The following CAMTA1 variants were observed in gnomAD, a reference collection of about 807,000 sequenced individuals.
CAMTA1 encodes calmodulin-binding transcription activator 1.
A neutral mutation model predicts 170.9 loss-of-function variants in CAMTA1; 27 were observed. The ratio of observed to expected loss-of-function variants is 0.16; its 90% CI spans 0.12 to 0.22. The LOEUF (loss-of-function observed/expected upper bound fraction) is 0.22. Ranked by LOEUF, CAMTA1 falls within the 10% of genes least tolerant of loss-of-function variation. CAMTA1 has a pLI of 1.00. For synonymous variants in CAMTA1, 833 were observed against 891.5 expected (o/e 0.93, Z 1.17); for missense variants, 1,619 against 2,217.2 (o/e 0.73, Z 5.42).
At chr1:7,743,954 G>A (rs1251750204) in intron 16 of CAMTA1, among the ~76,000 whole-genome samples, 25 of 149,378 alleles carry the variant, frequency 1.7e-4, no homozygotes, top group African/African-American at 6.2e-4. Context: ...AGCCTCCCGA[G>A]TAGCTGGCAC....
At position 7,065,622 on chromosome 1, in the gene CAMTA1, C is replaced by A. The variant is rs1197961442; in HGVS notation, c.235-25682C>A. Among the ~76,000 whole-genome samples, 2 of 146,076 alleles carry A rather than the reference C, an allele frequency of 1.4e-5. No homozygotes were observed. The highest frequency in any genetic ancestry group is 5.2e-5 in the African/African-American group (2 of 38,234). ...CAGGTGGGGGTGCTTATTTCATGGC[C>A]ATAGGAGGGAAGAGAGAGGAGACAG... On this transcript the variant is annotated intron_variant, in intron 3 of 22. Transcript: ENST00000303635. The surrounding 1 kb of genome is among the most constrained non-coding windows in gnomAD (Gnocchi z 5.2).
At chr1:7,109,303 C>G (rs1486418375) in intron 4 of CAMTA1, among the ~76,000 whole-genome samples, 1 of 152,196 alleles carries the variant, frequency 6.6e-6, no homozygotes, top group Non-Finnish European at 1.5e-5. Flanking sequence ...TGCTGCCGCA[C>G]TATGCATTAC....
intron 4 of CAMTA1, among the ~76,000 whole-genome samples, chr1:7,218,579 C>T (rs939469982): frequency 3.3e-5 from 5 of 152,152 alleles, no homozygotes; most frequent in African/African-American, 1.2e-4. Flanking sequence ...TGCACATTTG[C>T]CAATGCTGCC....
intron 3 of CAMTA1, among the ~76,000 whole-genome samples, chr1:6,842,748 C>T (rs1039275690): frequency 2.0e-5 from 3 of 152,024 alleles, no homozygotes; most frequent in Admixed American, 6.6e-5. Context: ...ATGGTGAAAC[C>T]ACGTCTCTAT....
chr1:6,998,296 G>A (rs955456233), intron 3 of CAMTA1, among the ~76,000 whole-genome samples: 1 of 151,866 alleles, frequency 6.6e-6, no homozygotes, highest in Non-Finnish European at 1.5e-5. Context: ...TGGCCAGGCT[G>A]GTCTGACCTC....
At chr1:7,314,685 G>A (rs911840228) in intron 5 of CAMTA1, among the ~76,000 whole-genome samples, 9 of 152,282 alleles carry the variant, frequency 5.9e-5, no homozygotes, top group Non-Finnish European at 1.0e-4. Flanking sequence ...AAATGGAATC[G>A]TGACTTAGGT....
chr1:7,499,763 T>C (rs1008833183), intron 6 of CAMTA1, among the ~76,000 whole-genome samples: 2 of 129,418 alleles, frequency 1.5e-5, no homozygotes, highest in African/African-American at 6.2e-5. Flanking sequence ...TGTGTGAGCC[T>C]GTTGTGAGTG....
intron 8 of CAMTA1, 36 bp from the exon 9 acceptor site, chr1:7,663,317 C>T (rs759345996): frequency 4.0e-6 from 6 of 1,514,530 alleles, no homozygotes; most frequent in East Asian, 4.6e-5. Context: ...TGTGTGCCTG[C>T]GTGTGCGTGC....
chr1:7,032,181 C>A (rs918599466), intron 3 of CAMTA1, among the ~76,000 whole-genome samples: 1 of 151,996 alleles, frequency 6.6e-6, no homozygotes, highest in Admixed American at 6.5e-5. Flanking sequence ...ACCAGGCTGG[C>A]CTTGAACTCC....
intron 3 of CAMTA1, among the ~76,000 whole-genome samples, chr1:6,860,220 C>T (rs1479631136): frequency 6.6e-6 from 1 of 152,122 alleles, no homozygotes; most frequent in Non-Finnish European, 1.5e-5. Flanking sequence ...TCTTTTTGGC[C>T]TTGATGGCAT....
At chr1:7,241,521 G>T (rs1297805180) in intron 4 of CAMTA1, among the ~76,000 whole-genome samples, 1 of 152,214 alleles carries the variant, frequency 6.6e-6, no homozygotes, top group African/African-American at 2.4e-5. Context: ...AACAAAGTTG[G>T]AGGACTTATA....
intron 3 of CAMTA1, among the ~76,000 whole-genome samples, chr1:6,958,365 G>A (rs1689815347): frequency 2.0e-5 from 3 of 152,346 alleles, no homozygotes; most frequent in South Asian, 2.1e-4. Context: ...GGATTGCAGA[G>A]CGTCTCATCC....
intron 6 of CAMTA1, among the ~76,000 whole-genome samples, chr1:7,483,343 G>C (rs2149644175): frequency 6.6e-6 from 1 of 152,298 alleles, no homozygotes; most frequent in Non-Finnish European, 1.5e-5. Context: ...CTAAAATCTG[G>C]TGCAGAGCAG....
intron 3 of CAMTA1, among the ~76,000 whole-genome samples, chr1:7,049,825 A>G (rs1005030940): frequency 1.3e-5 from 2 of 152,188 alleles, no homozygotes; most frequent in African/African-American, 4.8e-5. Context: ...TATTCATCCC[A>G]TGACTTAGTG....
At chr1:7,060,414 A>C (rs1279394476) in intron 3 of CAMTA1, among the ~76,000 whole-genome samples, 1 of 152,198 alleles carries the variant, frequency 6.6e-6, no homozygotes, top group Non-Finnish European at 1.5e-5. Flanking sequence ...ATCAGGGCCC[A>C]CACTGATAGC....
Position 7,026,415 on chromosome 1 carries a change from C to G in CAMTA1, c.235-64889C>G, listed in dbSNP as rs570610031. 1.2e-3 allele frequency among the ~76,000 whole-genome samples: 188 copies of G among 152,010 alleles called. 1 individual carries two copies. The highest frequency in any genetic ancestry group is 2.1e-3 in the Non-Finnish European group (142 of 67,972). ...GAATGTATTGTGGGAGTGGCAGCCC[C>G]GGTGGGAGAAGGGAAATGACTCAGG... is the stretch of plus-strand genomic sequence containing the variant. On this transcript the variant is annotated intron_variant, in intron 3 of 22. Transcript: ENST00000303635.
At chr1:7,544,620 T>C (rs1186143436) in intron 6 of CAMTA1, among the ~76,000 whole-genome samples, 2 of 152,172 alleles carry the variant, frequency 1.3e-5, no homozygotes, top group African/African-American at 4.8e-5. Context: ...AAACACTGAG[T>C]CCATTTAGTG....
chr1:7,434,969 C>T (rs949757628), intron 5 of CAMTA1, among the ~76,000 whole-genome samples: 7 of 152,166 alleles, frequency 4.6e-5, no homozygotes, highest in Admixed American at 3.9e-4. Context: ...AAAGGATCAC[C>T]TGAGCCCAGG....
At position 7,753,573 on chromosome 1, in the gene CAMTA1, G is replaced by A. The variant is rs375899641; in HGVS notation, c.4958+1040G>A. Among the ~76,000 whole-genome samples the A allele has an allele frequency of 3.3e-5, 5 of 152,204 alleles. No individual in the cohort carries two copies. In the East Asian group the frequency reaches 5.8e-4, roughly 18 times the overall value. Reference sequence around the variant, plus strand: ...CTTACTCCTATACCATATGATTGCCGGCTTTGAAAATATCTTGCCTTTAAG... The same window carrying A: ...CTTACTCCTATACCATATGATTGCCAGCTTTGAAAATATCTTGCCTTTAAG... On this transcript the variant is annotated intron_variant, in intron 21 of 22. Transcript: ENST00000303635.
Sources: gnomAD v4.1 joint callset for allele counts (sites outside exome capture counted in the v4.1 genomes callset) on GRCh38, gnomAD v4.1.1 for gene constraint, Gnocchi (gnomAD v3.1) non-coding constraint, MANE v1.5 for transcripts, NCBI Gene and HGNC (gene_info 2026-07-23, HGNC 2026-07-21) for gene names.